Variants in CATSPERQ observed in about 807,000 individuals in gnomAD.
CATSPERQ encodes cation channel sperm-associated auxiliary subunit theta.
At chr8:144,353,768 C>G in the CATSPERQ span, 15 of 1,535,258 alleles carry the variant, frequency 9.8e-6, no homozygotes, top group Non-Finnish European at 1.3e-5. Context: ...CGTGTCTGGG[C>G]GGGACCCACC....
chr8:144,353,828 C>T, the CATSPERQ span: 7 of 1,535,268 alleles, frequency 4.6e-6, no homozygotes, highest in South Asian at 1.2e-5. Flanking sequence ...AACCTGTGGC[C>T]GCCGAGGACC....
the CATSPERQ span, chr8:144,353,944 G>C: frequency 1.3e-6 from 2 of 1,530,416 alleles, no homozygotes; most frequent in Non-Finnish European, 1.7e-6. Flanking sequence ...GCACCCTCCC[G>C]GCCCGTTACC....
the CATSPERQ span, chr8:144,353,904 G>T: frequency 6.5e-7 from 1 of 1,528,940 alleles, no homozygotes; most frequent in Non-Finnish European, 8.8e-7. Flanking sequence ...CCGCCCCTCC[G>T]ACCTCCCAAG....
chr8:144,354,020 G>A, the CATSPERQ span: 6 of 1,535,490 alleles, frequency 3.9e-6, no homozygotes, highest in Non-Finnish European at 5.2e-6. The surrounding 1 kb of genome is among the most constrained non-coding windows in gnomAD (Gnocchi z 4.6). Flanking sequence ...GTGCGGCCCT[G>A]GATGGAGAAG....
At chr8:144,354,252 G>A in the CATSPERQ span, 11 of 1,540,224 alleles carry the variant, frequency 7.1e-6, no homozygotes, top group Non-Finnish European at 8.7e-6. The surrounding 1 kb of genome is among the most constrained non-coding windows in gnomAD (Gnocchi z 4.6). Flanking sequence ...TCAGGGAGCT[G>A]AAGCTGACCA....
chr8:144,353,280 G>T, the CATSPERQ span: 1 of 1,443,018 alleles, frequency 6.9e-7, no homozygotes, highest in South Asian at 1.4e-5. Flanking sequence ...ACTCACATTT[G>T]ATCTGCCCCA....
At chr8:144,354,443 G>T in the CATSPERQ span, 1 of 1,310,608 alleles carries the variant, frequency 7.6e-7, no homozygotes, top group Non-Finnish European at 1.0e-6. This position sits in a 1 kb window ranked among gnomAD's most constrained non-coding sequence, Gnocchi z 4.6. Context: ...CGGAGGCGAC[G>T]TCTCGCCTGC....
At chr8:144,353,974 C>A in the CATSPERQ span, 1 of 1,533,608 alleles carries the variant, frequency 6.5e-7, no homozygotes, top group Non-Finnish European at 8.7e-7. Context: ...GAGCGCCAGG[C>A]GCACGTAGAC....
chr8:144,353,492 T>A, the CATSPERQ span: 1 of 1,535,588 alleles, frequency 6.5e-7, no homozygotes, highest in Non-Finnish European at 8.7e-7. Context: ...TGATGTTGAG[T>A]TTCCGGGCGA....
the CATSPERQ span, chr8:144,354,311 G>A: frequency 2.0e-6 from 3 of 1,533,772 alleles, no homozygotes; most frequent in East Asian, 2.4e-5. This position sits in a 1 kb window ranked among gnomAD's most constrained non-coding sequence, Gnocchi z 4.6. Flanking sequence ...AGTGTGTCCA[G>A]GTAGTATTCG....
the CATSPERQ span, chr8:144,354,069 C>T: frequency 6.5e-7 from 1 of 1,535,376 alleles, no homozygotes; most frequent in Non-Finnish European, 8.7e-7. The surrounding 1 kb of genome is among the most constrained non-coding windows in gnomAD (Gnocchi z 4.6). Context: ...CCAGGCGGCG[C>T]CGCGGCAGCG....
the CATSPERQ span, chr8:144,354,828 AGCG>A: frequency 1.3e-6 from 2 of 1,509,088 alleles, no homozygotes. This position sits in a 1 kb window ranked among gnomAD's most constrained non-coding sequence, Gnocchi z 4.6. Flanking sequence ...CACTGCCCAC[AGCG>A]GCACTCCTAC....
At chr8:144,353,381 C>T in the CATSPERQ span, 2 of 1,535,306 alleles carry the variant, frequency 1.3e-6, no homozygotes. Context: ...AGGAGCTGGG[C>T]TTGTGACCCA....
the CATSPERQ span, chr8:144,353,642 C>G: frequency 9.6e-6 from 14 of 1,458,372 alleles, no homozygotes; most frequent in African/African-American, 1.4e-5. Flanking sequence ...AGCCCCGGCG[C>G]CCTCTCCACG....
chr8:144,354,506 G>A, the CATSPERQ span: 3 of 1,401,728 alleles, frequency 2.1e-6, no homozygotes, highest in Non-Finnish European at 2.8e-6. The surrounding 1 kb of genome is among the most constrained non-coding windows in gnomAD (Gnocchi z 4.6). Context: ...CCCTGGCCCT[G>A]CCTCTGCCCA....
chr8:144,353,932 G>A, the CATSPERQ span: 14 of 1,528,468 alleles, frequency 9.2e-6, no homozygotes, highest in Non-Finnish European at 9.6e-6. Flanking sequence ...CCCGTCCCTG[G>A]CGCACCCTCC....
At chr8:144,353,509 G>A in the CATSPERQ span, 11 of 1,535,086 alleles carry the variant, frequency 7.2e-6, no homozygotes, top group South Asian at 1.1e-4. Flanking sequence ...GCGATGTAAC[G>A]GCCCAAGTAT....
chr8:144,354,555 T>TA, the CATSPERQ span: 1 of 681,604 alleles, frequency 1.5e-6, no homozygotes, highest in Non-Finnish European at 2.2e-6. This position sits in a 1 kb window ranked among gnomAD's most constrained non-coding sequence, Gnocchi z 4.6. Flanking sequence ...CCCGTCTCCC[T>TA]CCTCCCCCGC....
chr8:144,354,555 T>TCCGAC, the CATSPERQ span: 1 of 681,608 alleles, frequency 1.5e-6, no homozygotes, highest in Non-Finnish European at 2.2e-6. This position sits in a 1 kb window ranked among gnomAD's most constrained non-coding sequence, Gnocchi z 4.6. Context: ...CCCGTCTCCC[T>TCCGAC]CCTCCCCCGC....
Sources: allele counts gnomAD v4.1 joint callset, GRCh38; gene constraint gnomAD v4.1.1; non-coding constraint Gnocchi (gnomAD v3.1); transcripts MANE v1.5; gene names NCBI Gene and HGNC (gene_info 2026-07-23, HGNC 2026-07-21).